Variants in NXPH2 observed in about 807,000 individuals in gnomAD.
NXPH2 encodes neurexophilin 2.
NXPH2 carries 5 observed loss-of-function variants against 19.8 expected under a neutral mutation model. The observed-to-expected ratio is 0.25, with a 90% CI of 0.13 to 0.53. NXPH2 has a LOEUF of 0.53. Among genes scored for constraint, NXPH2 ranks in the 20% least tolerant of loss-of-function variants. The pLI is 0.96. For synonymous variants in NXPH2, 154 were observed against 127.4 expected, an observed-to-expected ratio of 1.21 and a Z score of -1.41; for missense variants, 289 against 322.8, an observed-to-expected ratio of 0.90 and a Z score of 0.80.
intron 1 of NXPH2, among the ~76,000 whole-genome samples, chr2:138,675,072 A>G (rs947273800): frequency 3.3e-5 from 5 of 152,164 alleles, no homozygotes; most frequent in Non-Finnish European, 5.9e-5. Flanking sequence ...TTTTAAAAAT[A>G]TGTCTTGATT....
chr2:138,748,652 A>G lies in NXPH2; in HGVS notation c.51+31539T>C, dbSNP rs146793504. 5.9e-3 allele frequency among the ~76,000 whole-genome samples: 898 copies of G among 152,182 alleles called. 6 individuals carry two copies. Among genetic ancestry groups the G allele is most frequent in the Non-Finnish European group, 0.01 (702 of 67,980 alleles). On this transcript the variant is annotated intron_variant, in intron 1 of 1. Coordinates refer to ENST00000272641, the MANE Select transcript of NXPH2 (RefSeq NM_007226.3). The stretch of plus-strand genomic sequence containing the variant: ...CACACATGCACACACATACAGTAAT[A>G]CCATGGAAACTGTATTTATTACAGA...
intron 1 of NXPH2, among the ~76,000 whole-genome samples, chr2:138,749,015 T>C (rs1199019767): frequency 6.6e-6 from 1 of 152,224 alleles, no homozygotes; most frequent in Non-Finnish European, 1.5e-5. Flanking sequence ...GGTTTCATTA[T>C]GGCTTTTATT....
intron 1 of NXPH2, among the ~76,000 whole-genome samples, chr2:138,768,026 T>C (rs775273871): frequency 6.7e-4 from 102 of 152,350 alleles, no homozygotes; most frequent in Admixed American, 2.4e-3. Context: ...TTGTCAGTTA[T>C]AAATTTCGTT....
chr2:138,687,776 C>A (rs975733435), intron 1 of NXPH2, among the ~76,000 whole-genome samples: 2 of 152,152 alleles, frequency 1.3e-5, no homozygotes, highest in African/African-American at 4.8e-5. Context: ...GTTTTCCCAG[C>A]ACCATTTATT....
intron 1 of NXPH2, among the ~76,000 whole-genome samples, chr2:138,747,747 T>G (rs1432027750): frequency 2.6e-5 from 4 of 152,172 alleles, no homozygotes; most frequent in Non-Finnish European, 5.9e-5. Flanking sequence ...GGGAGTCCCC[T>G]CTCTTCTTGA....
chr2:138,706,417 T>G (rs1437199816), intron 1 of NXPH2, among the ~76,000 whole-genome samples: 1 of 152,212 alleles, frequency 6.6e-6, no homozygotes, highest in Non-Finnish European at 1.5e-5. Flanking sequence ...CATTGGATCT[T>G]GCTGATGCCC....
intron 1 of NXPH2, among the ~76,000 whole-genome samples, chr2:138,751,555 A>C (rs1681830342): frequency 6.6e-6 from 1 of 152,112 alleles, no homozygotes; most frequent in African/African-American, 2.4e-5. Flanking sequence ...TTACCTCCTT[A>C]AAATATCCTA....
chr2:138,771,135 T>C (rs920620367), intron 1 of NXPH2, among the ~76,000 whole-genome samples: 6 of 152,234 alleles, frequency 3.9e-5, no homozygotes, highest in African/African-American at 9.6e-5. Flanking sequence ...TTCTAGGAAT[T>C]TGTGTTACAG....
intron 1 of NXPH2, among the ~76,000 whole-genome samples, chr2:138,724,068 T>A (rs1681320013): frequency 6.6e-6 from 1 of 152,312 alleles, no homozygotes; most frequent in East Asian, 1.9e-4. Flanking sequence ...ATTAGTTATT[T>A]TTCCTGATCC....
intron 1 of NXPH2, among the ~76,000 whole-genome samples, chr2:138,736,949 C>A (rs1573972036): frequency 1.3e-5 from 2 of 152,190 alleles, no homozygotes; most frequent in Admixed American, 6.5e-5. Flanking sequence ...CAGTTCCCAA[C>A]AAGTTCCTCA....
intron 1 of NXPH2, among the ~76,000 whole-genome samples, chr2:138,677,913 C>G (rs561373376): frequency 6.6e-6 from 1 of 152,272 alleles, no homozygotes; most frequent in South Asian, 2.1e-4. Flanking sequence ...TATCCCCTAC[C>G]GTTAACATCT....
intron 1 of NXPH2, among the ~76,000 whole-genome samples, chr2:138,755,197 A>T (rs1334797946): frequency 6.6e-6 from 1 of 152,050 alleles, no homozygotes; most frequent in Non-Finnish European, 1.5e-5. Context: ...TTTAATTACA[A>T]TAAGGTTCAA....
In NXPH2 at chr2:138,742,708, C is replaced by G. The variant is rs545961803; in HGVS notation, c.51+37483G>C. Among the ~76,000 whole-genome samples, 104 of 152,172 alleles carry G rather than the reference C, an allele frequency of 6.8e-4. 1 individual carries two copies. Among genetic ancestry groups the G allele is most frequent in the African/African-American group, 2.2e-3 (93 of 41,518 alleles). ...GCAGGCATCTGCACTTGCTGTTGGG[C>G]CCAGAACAAGTCAGCTTTATTTGAT... On this transcript the variant is annotated intron_variant, in intron 1 of 1. Coordinates refer to ENST00000272641, the MANE Select transcript of NXPH2 (RefSeq NM_007226.3).
chr2:138,682,658 C>A (rs1241629567), intron 1 of NXPH2, among the ~76,000 whole-genome samples: 2 of 152,044 alleles, frequency 1.3e-5, no homozygotes, highest in East Asian at 3.9e-4. Context: ...TAATAGCTAC[C>A]CTTTACGTTA....
chr2:138,702,054 CTG>C (rs1283365086), intron 1 of NXPH2, among the ~76,000 whole-genome samples: 1 of 152,108 alleles, frequency 6.6e-6, no homozygotes, highest in Non-Finnish European at 1.5e-5. Flanking sequence ...TTTCCAGAGA[CTG>C]TTTCTTTTTA....
chr2:138,730,219 A>G (rs1558924025), intron 1 of NXPH2, among the ~76,000 whole-genome samples: 1 of 151,736 alleles, frequency 6.6e-6, no homozygotes, highest in Non-Finnish European at 1.5e-5. Flanking sequence ...AAAAGAGACA[A>G]AGTTTTCCTC....
intron 1 of NXPH2, among the ~76,000 whole-genome samples, chr2:138,677,151 A>G (rs542832784): frequency 6.6e-6 from 1 of 152,350 alleles, no homozygotes; most frequent in East Asian, 1.9e-4. Context: ...GTTATTTACA[A>G]AACACGTAGC....
Position 138,671,609 on chromosome 2 carries a change from G to A in NXPH2, c.108C>T (p.Asp36=). 6.2e-7 allele frequency: 1 copy of A among 1,608,848 alleles called. No homozygotes were observed. The highest frequency in any genetic ancestry group is 8.5e-7 in the Non-Finnish European group (1 of 1,177,680). ...VHATEGLDWE[D]KDAPGTLVGN... ...CGACCAACGTCCCTGGAGCATCTTT[G>A]TCTTCCCAATCCAGCCCCTCCGTGG... Residue 36 remains aspartate, a synonymous_variant, in exon 2 of 2, where the codon GAC becomes GAT. Coordinates refer to ENST00000272641, the MANE Select transcript of NXPH2 (RefSeq NM_007226.3).
intron 1 of NXPH2, among the ~76,000 whole-genome samples, chr2:138,765,217 T>C (rs1309806713): frequency 6.6e-6 from 1 of 152,184 alleles, no homozygotes; most frequent in Admixed American, 6.5e-5. Flanking sequence ...TGCAGGGTGC[T>C]CCAACACACT....
Sources: allele counts gnomAD v4.1 joint callset (sites outside exome capture counted in the v4.1 genomes callset), GRCh38; gene constraint gnomAD v4.1.1; transcripts MANE v1.5; gene names NCBI Gene and HGNC (gene_info 2026-07-23, HGNC 2026-07-21).